Variants in RBBP7 observed in about 807,000 individuals in gnomAD.
RBBP7 encodes the protein RB binding protein 7, chromatin remodeling factor, also known as histone-binding protein RBBP7.
In RBBP7, 5 loss-of-function variants were observed where a neutral mutation model predicts 35.2. The observed-to-expected ratio is 0.14, with a 90% CI of 0.07 to 0.30. The LOEUF (loss-of-function observed/expected upper bound fraction) is 0.30, where lower values mean the gene tolerates loss of function less well. Among genes scored for constraint, RBBP7 ranks in the 10% least tolerant of loss-of-function variants. The probability of loss-of-function intolerance (pLI) is 1.00; values close to 1 mark genes in which losing one functional copy is unlikely to be tolerated. For missense variants in RBBP7, 155 were observed against 327.5 expected (o/e 0.47, Z 4.07); for synonymous variants, 140 against 118.7 (o/e 1.18, Z -1.17).
intron 11 of RBBP7, among the ~76,000 whole-genome samples, 185 bp from the exon 12 acceptor site, chrX:16,845,288 T>G (rs1930043803): frequency 8.9e-6 from 1 of 112,666 alleles, no homozygotes; most frequent in Non-Finnish European, 1.9e-5. Context: ...TGTAATTCCG[T>G]ATGTATACTT....
At chrX:16,862,109 A>G (rs1041065953) in intron 3 of RBBP7, among the ~76,000 whole-genome samples, 1 of 111,144 alleles carries the variant, frequency 9.0e-6, no homozygotes, top group Non-Finnish European at 1.9e-5. Context: ...TATTTCACAC[A>G]TGTCCCTGCA....
At chrX:16,865,177 G>A (rs1930584218) in intron 2 of RBBP7, among the ~76,000 whole-genome samples, 1 of 108,984 alleles carries the variant, frequency 9.2e-6, no homozygotes, top group African/African-American at 3.3e-5. Context: ...TTGAACCCAG[G>A]ACTTCGAGAC....
chrX:16,858,668 T>C lies in RBBP7; in HGVS notation c.481+8A>G. On this transcript the variant is annotated splice_region_variant and intron_variant, in intron 4 of 11. Coordinates refer to ENST00000380087, the MANE Select transcript of RBBP7 (RefSeq NM_002893.4). The stretch of plus-strand genomic sequence containing the variant: ...CTCAAGTAATGACCTAACTCTATTA[T>C]TACATACCTGGTTTAGCAGGGTGTT... 1.7e-6 allele frequency: 2 copies of C among 1,208,837 alleles called. No homozygotes were observed. Among genetic ancestry groups the C allele is most frequent in the African/African-American group, 1.7e-5 (1 of 57,762 alleles).
chrX:16,867,228 A>G (rs913473619), intron 2 of RBBP7, among the ~76,000 whole-genome samples: 60 of 111,603 alleles, frequency 5.4e-4, no homozygotes, highest in African/African-American at 1.6e-3. Context: ...CAACATCTCC[A>G]TTTACAGCCC....
chrX:16,846,007 A>G, intron 10 of RBBP7, 69 bp from the exon 11 acceptor site: 2 of 1,151,974 alleles, frequency 1.7e-6, no homozygotes, highest in Non-Finnish European at 2.3e-6. Flanking sequence ...GGTTTTACTA[A>G]GTTTTTAGAG....
At chrX:16,864,669 T>C (rs1385750661) in intron 2 of RBBP7, among the ~76,000 whole-genome samples, 1 of 109,941 alleles carries the variant, frequency 9.1e-6, no homozygotes, top group Non-Finnish European at 1.9e-5. Flanking sequence ...TAGGGGGCAA[T>C]GCACATGAGC....
chrX:16,860,360 G>C (rs1930441296), intron 3 of RBBP7, among the ~76,000 whole-genome samples: 1 of 110,241 alleles, frequency 9.1e-6, no homozygotes, highest in Non-Finnish European at 1.9e-5. Context: ...ATTTTGAAAA[G>C]TCACTGTCTT....
At chrX:16,862,239 T>C (rs1208672495) in intron 3 of RBBP7, among the ~76,000 whole-genome samples, 1 of 112,037 alleles carries the variant, frequency 8.9e-6, no homozygotes, top group Non-Finnish European at 1.9e-5. Context: ...TAACAAACTT[T>C]AGCCACAAGT....
intron 3 of RBBP7, among the ~76,000 whole-genome samples, chrX:16,859,770 C>T (rs1349953898): frequency 9.0e-6 from 1 of 111,662 alleles, no homozygotes; most frequent in Non-Finnish European, 1.9e-5. Context: ...CAAATGCCTA[C>T]TGGAGCCAGA....
At chrX:16,858,340 T>C (rs1188413993) in intron 4 of RBBP7, among the ~76,000 whole-genome samples, 1 of 111,874 alleles carries the variant, frequency 8.9e-6, no homozygotes, top group Non-Finnish European at 1.9e-5. Flanking sequence ...TAGCACATGT[T>C]CCTATGGTTT....
In RBBP7 at chrX:16,844,752, T is replaced by G. The variant is rs199744009; in HGVS notation, c.*283A>C. 272 of 222,306 alleles carry G rather than the reference T, an allele frequency of 1.2e-3. No homozygotes were observed. The highest frequency in any genetic ancestry group is 7.2e-3 in the African/African-American group (250 of 34,741). The allele number at this position is 222,306 out of a possible 1,213,427, so 18.3% of individuals were successfully genotyped here. ...ATTTGGGAACAGCAAGCACTTAGTT[T>G]GAGAAAATGAGGACTTAAAACAGTT... On this transcript the variant is annotated 3_prime_UTR_variant, in exon 12 of 12. Transcript: ENST00000380087.
In RBBP7 at chrX:16,862,969, T is replaced by C. The variant is rs767763353; in HGVS notation, c.293A>G (p.Asp98Gly). The change falls in exon 3 of 12, where the codon GAC becomes GGC. Residue 98 changes from aspartate to glycine, a missense_variant. Physicochemically the swap from Asp to Gly is moderately conservative, Grantham distance 94. Coordinates refer to ENST00000380087, the MANE Select transcript of RBBP7 (RefSeq NM_002893.4). ...DDAQFDASHC[D>G]SDKGEFGGFG... ...GATATACCTACCACCCTTGTCACTGTCACAATGGGAAGCATCAAACTGTGC... is the reference window on the plus strand; with the variant it reads ...GATATACCTACCACCCTTGTCACTGCCACAATGGGAAGCATCAAACTGTGC... The C allele has an allele frequency of 8.3e-7, 1 of 1,211,331 alleles. No individual in the cohort carries two copies. Among genetic ancestry groups the C allele is most frequent in the Non-Finnish European group, 1.1e-6 (1 of 895,108 alleles).
chrX:16,858,860 GAGAA>G lies in RBBP7; in HGVS notation c.308-15_308-12del, dbSNP rs781734845. The G allele has an allele frequency of 5.8e-6, 7 of 1,207,888 alleles. No individual in the cohort carries two copies. The highest frequency in any genetic ancestry group is 7.8e-6 in the Non-Finnish European group (7 of 893,125). On this transcript the variant is annotated splice_polypyrimidine_tract_variant and intron_variant, in intron 3 of 11. Coordinates refer to ENST00000380087, the MANE Select transcript of RBBP7 (RefSeq NM_002893.4). ...CAAAGCCACCAAATTCTAATGTGAG[GAGAA>G]AGAAACACACACACACACACTCAGG... is the stretch of plus-strand genomic sequence containing the variant.
At chrX:16,863,721 G>A (rs916367381) in intron 2 of RBBP7, among the ~76,000 whole-genome samples, 1 of 112,297 alleles carries the variant, frequency 8.9e-6, no homozygotes, top group African/African-American at 3.2e-5. Context: ...TGACGTTTAT[G>A]ATACCTAAGT....
intron 9 of RBBP7, among the ~76,000 whole-genome samples, chrX:16,851,105 C>T (rs187496671): frequency 4.0e-3 from 372 of 92,409 alleles, no homozygotes; most frequent in African/African-American, 0.015. Flanking sequence ...GCCTGCGTGA[C>T]AGAGCAAGAT....
At chrX:16,862,052 A>G (rs1930489143) in intron 3 of RBBP7, among the ~76,000 whole-genome samples, 1 of 111,578 alleles carries the variant, frequency 9.0e-6, no homozygotes, top group African/African-American at 3.3e-5. Flanking sequence ...TAGTCCCCCA[A>G]GAAAGCCTCA....
chrX:16,846,594 G>C lies in RBBP7; in HGVS notation c.1099-656C>G, dbSNP rs753451675. On this transcript the variant is annotated intron_variant, in intron 10 of 11. Coordinates refer to ENST00000380087, the MANE Select transcript of RBBP7 (RefSeq NM_002893.4). ...GAGCTTTGCTAAACAATTCTGAAGAGAGCAGTTGTTCCCCGCAAGAGACAA... is the reference window on the plus strand; with the variant it reads ...GAGCTTTGCTAAACAATTCTGAAGACAGCAGTTGTTCCCCGCAAGAGACAA... 8 of 112,167 alleles carry C rather than the reference G, an allele frequency of 7.1e-5. No homozygotes were observed. In the East Asian group the frequency reaches 2.0e-3, roughly 27 times the overall value. 9.2% of individuals were successfully genotyped at this position (112,167 alleles called of 1,213,427 possible).
chrX:16,852,508 A>C (rs1254014382), intron 8 of RBBP7, 43 bp downstream of exon 8: 1 of 1,173,642 alleles, frequency 8.5e-7, no homozygotes, highest in Non-Finnish European at 1.2e-6. Context: ...GAATCCCTGG[A>C]TTTCATTTCC....
Position 16,866,332 on chromosome X carries a change from C to T in RBBP7, c.161+2744G>A, listed in dbSNP as rs1000359868. On this transcript the variant is annotated intron_variant, in intron 2 of 11. Transcript: ENST00000380087. ...CACGAGGTCAGGAGTTTGAGACCAGCCTGACCAACATAGTGAAACCCTGTC... is the reference window on the plus strand; with the variant it reads ...CACGAGGTCAGGAGTTTGAGACCAGTCTGACCAACATAGTGAAACCCTGTC... 1.0e-4 allele frequency among the ~76,000 whole-genome samples: 11 copies of T among 108,423 alleles called. 1 individual carries two copies. In the South Asian group the frequency reaches 4.4e-3, roughly 44 times the overall value. The allele number at this position is 108,423 out of a possible 115,157, so 94.2% of individuals were successfully genotyped here. A position where few individuals can be genotyped will look rare whatever the true frequency, so the allele number is the denominator to read the frequency against.
Sources: allele counts gnomAD v4.1 joint callset (sites outside exome capture counted in the v4.1 genomes callset), GRCh38; gene constraint gnomAD v4.1.1; transcripts MANE v1.5; gene names NCBI Gene and HGNC (gene_info 2026-07-23, HGNC 2026-07-21).